ADAMTSL1: variants seen among roughly 807,000 people sequenced by gnomAD.
ADAMTSL1 encodes ADAMTS-like protein 1.
In ADAMTSL1, 126 loss-of-function variants were observed where a neutral mutation model predicts 201.8. That is an observed-to-expected ratio of 0.62 (90% CI 0.54 to 0.72). The LOEUF (loss-of-function observed/expected upper bound fraction) is 0.72. Ranked by LOEUF, ADAMTSL1 falls within the 30% of genes least tolerant of loss-of-function variation. ADAMTSL1 has a pLI of 0.00. For missense variants in ADAMTSL1, 2,679 were observed against 2,277.8 expected, an observed-to-expected ratio of 1.18 and a Z score of -3.59; for synonymous variants, 1,121 against 903.4, an observed-to-expected ratio of 1.24 and a Z score of -4.32.
At chr9:17,930,582 G>GC (rs1328490601) in intron 1 of ADAMTSL1, among the ~76,000 whole-genome samples, 6 of 152,130 alleles carry the variant, frequency 3.9e-5, no homozygotes, top group Non-Finnish European at 7.4e-5. Context: ...AAATATATGT[G>GC]CAAGTGTGTG....
chr9:18,063,350 A>C (rs1341177488), intron 1 of ADAMTSL1, among the ~76,000 whole-genome samples: 3 of 152,196 alleles, frequency 2.0e-5, no homozygotes, highest in African/African-American at 7.2e-5. Context: ...GCCCACTATT[A>C]AACAAATTGT....
intron 26 of ADAMTSL1, among the ~76,000 whole-genome samples, chr9:18,900,894 A>T (rs1425080018): frequency 6.6e-6 from 1 of 152,178 alleles, no homozygotes; most frequent in Non-Finnish European, 1.5e-5. Flanking sequence ...AAATCTGCAC[A>T]TGTACTCCAG....
At chr9:17,917,559 A>G (rs1826144568) in intron 1 of ADAMTSL1, among the ~76,000 whole-genome samples, 2 of 152,014 alleles carry the variant, frequency 1.3e-5, no homozygotes, top group African/African-American at 2.4e-5. Flanking sequence ...TGATCATAAT[A>G]TTATTTTTAT....
intron 2 of ADAMTSL1, among the ~76,000 whole-genome samples, chr9:18,324,992 C>CA (rs1377928792): frequency 6.6e-6 from 1 of 152,054 alleles, no homozygotes; most frequent in African/African-American, 2.4e-5. Context: ...AATATATAAA[C>CA]AATGTTATCA....
Position 18,828,689 on chromosome 9 carries a change from TATATAA to T in ADAMTSL1, c.4115-1152_4115-1147del, listed in dbSNP as rs1413661406. ...ATATATATATATATATATATATATA[TATATAA>T]AATGTGTGTGTGTGTATATATATAT... is the stretch of plus-strand genomic sequence containing the variant. On this transcript the variant is annotated intron_variant, in intron 22 of 28. Transcript: ENST00000380548. 3.7e-3 allele frequency among the ~76,000 whole-genome samples: 407 copies of T among 108,892 alleles called. 42 individuals are homozygous for T. The highest frequency in any genetic ancestry group is 0.016 in the African/African-American group (354 of 21,818). The allele number at this position is 108,892 out of a possible 152,430, so 71.4% of individuals were successfully genotyped here.
intron 16 of ADAMTSL1, among the ~76,000 whole-genome samples, chr9:18,766,094 G>A (rs1470136043): frequency 1.3e-5 from 2 of 151,948 alleles, no homozygotes; most frequent in African/African-American, 2.4e-5. Flanking sequence ...GAAAGGGGGG[G>A]TGTCGTAAAA....
At chr9:18,577,824 A>G (rs1177872063) in intron 4 of ADAMTSL1, among the ~76,000 whole-genome samples, 3 of 152,198 alleles carry the variant, frequency 2.0e-5, no homozygotes, top group Non-Finnish European at 4.4e-5. Context: ...GACTTTAAAA[A>G]AAACAAAAAG....
chr9:18,378,683 C>T (rs1837416196), intron 2 of ADAMTSL1, among the ~76,000 whole-genome samples: 1 of 152,164 alleles, frequency 6.6e-6, no homozygotes, highest in South Asian at 2.1e-4. Flanking sequence ...TTTTCTGGCT[C>T]TCATGATGCC....
At chr9:18,619,019 T>C (rs1011683996) in intron 4 of ADAMTSL1, among the ~76,000 whole-genome samples, 1 of 152,184 alleles carries the variant, frequency 6.6e-6, no homozygotes, top group Non-Finnish European at 1.5e-5. Flanking sequence ...CTCTGGAATC[T>C]GGACAGGCTT....
chr9:18,906,000 T>G, intron 27 of ADAMTSL1, 109 bp downstream of exon 27: 2 of 931,190 alleles, frequency 2.1e-6, no homozygotes, highest in Non-Finnish European at 3.2e-6. Context: ...TCCCAAGCCC[T>G]GCCTGGGACT....
chr9:17,914,438 A>G (rs1208099192), intron 1 of ADAMTSL1, among the ~76,000 whole-genome samples: 1 of 152,224 alleles, frequency 6.6e-6, no homozygotes, highest in Non-Finnish European at 1.5e-5. Flanking sequence ...TTATCTCAAT[A>G]GATGCAGAAA....
chr9:18,213,336 T>A (rs557978527), intron 2 of ADAMTSL1, among the ~76,000 whole-genome samples: 1 of 152,274 alleles, frequency 6.6e-6, no homozygotes, highest in East Asian at 1.9e-4. Flanking sequence ...ATAACGGACA[T>A]TTTCAGGGAT....
intron 3 of ADAMTSL1, among the ~76,000 whole-genome samples, chr9:18,533,657 C>G (rs971078003): frequency 2.0e-5 from 3 of 152,144 alleles, no homozygotes; most frequent in Non-Finnish European, 4.4e-5. Context: ...TTGACAAACT[C>G]ATTCATTTAT....
At chr9:18,812,525 G>GT (rs1406353951) in intron 20 of ADAMTSL1, among the ~76,000 whole-genome samples, 2 of 152,158 alleles carry the variant, frequency 1.3e-5, no homozygotes, top group African/African-American at 4.8e-5. Context: ...CTAGATCTAA[G>GT]TAAATAGTTC....
intron 2 of ADAMTSL1, among the ~76,000 whole-genome samples, chr9:18,192,767 A>G (rs1829019646): frequency 6.6e-6 from 1 of 152,150 alleles, no homozygotes; most frequent in Admixed American, 6.6e-5. Flanking sequence ...AAAATATACA[A>G]TGCATGGTTT....
At chr9:18,395,483 C>T (rs1401301722) in intron 2 of ADAMTSL1, among the ~76,000 whole-genome samples, 1 of 152,146 alleles carries the variant, frequency 6.6e-6, no homozygotes. Flanking sequence ...TCTACCTATT[C>T]TTCTCCAAAG....
chr9:18,754,752 C>T (rs139538217), intron 16 of ADAMTSL1, among the ~76,000 whole-genome samples: 27 of 152,224 alleles, frequency 1.8e-4, no homozygotes, highest in African/African-American at 5.1e-4. Flanking sequence ...AAGCAAAACA[C>T]TAAGTATGAA....
At chr9:17,922,911 A>C (rs1449897247) in intron 1 of ADAMTSL1, among the ~76,000 whole-genome samples, 1 of 152,206 alleles carries the variant, frequency 6.6e-6, no homozygotes, top group African/African-American at 2.4e-5. Context: ...ATGATCAGAG[A>C]CATAGGGGAA....
intron 7 of ADAMTSL1, among the ~76,000 whole-genome samples, chr9:18,650,794 T>C (rs767341842): frequency 3.3e-5 from 5 of 152,204 alleles, no homozygotes; most frequent in Non-Finnish European, 7.3e-5. Flanking sequence ...TTTTTGTCAA[T>C]GCCAGTTTAG....
Sources: allele counts gnomAD v4.1 joint callset (sites outside exome capture counted in the v4.1 genomes callset), GRCh38; gene constraint gnomAD v4.1.1; transcripts MANE v1.5; gene names NCBI Gene and HGNC (gene_info 2026-07-23, HGNC 2026-07-21).